CCND3: variants seen among roughly 807,000 people sequenced by gnomAD.
CCND3 encodes the protein G1/S-specific cyclin-D3.
CCND3 carries 9 observed loss-of-function variants against 28.7 expected under a neutral mutation model. The observed-to-expected ratio is 0.31, with a 90% CI of 0.19 to 0.55. The LOEUF is 0.55. CCND3 is among the 20% of genes least tolerant of loss of function. The pLI is 0.93. For missense variants in CCND3, 315 were observed against 385.8 expected (o/e 0.82, Z 1.54); for synonymous variants, 164 against 163.9 (o/e 1.00, Z 0.00).
At chr6:42,027,418 T>C (rs1356204225) in intron 1 of CCND3, among the ~76,000 whole-genome samples, 30 of 142,590 alleles carry the variant, frequency 2.1e-4, no homozygotes, top group Middle Eastern at 3.6e-3. Context: ...CCAGCCTGAG[T>C]GAGAGAGCGA....
intron 1 of CCND3, among the ~76,000 whole-genome samples, chr6:41,996,670 C>CCTT (rs1554164547): frequency 6.4e-5 from 9 of 141,434 alleles, no homozygotes; most frequent in African/African-American, 2.4e-4. Flanking sequence ...AAAATCTTAC[C>CCTT]TTTTTTTTTT....
At chr6:42,039,781 G>C (rs1764317412) in intron 1 of CCND3, among the ~76,000 whole-genome samples, 1 of 152,232 alleles carries the variant, frequency 6.6e-6, no homozygotes, top group Admixed American at 6.5e-5. Context: ...TTCCGGGGCT[G>C]TGTGTGACAC....
rs1479862925 is a variant in CCND3, at chr6:41,935,585, T to C, written c.*355A>G. On this transcript the variant is annotated 3_prime_UTR_variant, in exon 5 of 5. Transcript: ENST00000372991. ...CACCTTTAGAAGGCACTAGAGCATT[T>C]TGGCAGTTGAAAACATGAGAGCCCC... 6.4e-6 allele frequency: 3 copies of C among 466,368 alleles called. No individual in the cohort carries two copies. The highest frequency in any genetic ancestry group is 1.2e-5 in the Non-Finnish European group (3 of 260,474). 28.9% of individuals were successfully genotyped at this position (466,368 alleles called of 1,614,324 possible).
chr6:41,950,736 T>C (rs1449422767), intron 1 of CCND3, among the ~76,000 whole-genome samples: 3 of 139,470 alleles, frequency 2.2e-5, no homozygotes, highest in Admixed American at 7.7e-5. Context: ...TGAGATGGAG[T>C]CTCTCTCTGT....
intron 1 of CCND3, among the ~76,000 whole-genome samples, chr6:42,040,111 G>A (rs965722123): frequency 3.9e-5 from 6 of 152,224 alleles, no homozygotes; most frequent in African/African-American, 9.6e-5. Context: ...CGTGTGTGGT[G>A]CACACAGTGT....
intron 1 of CCND3, among the ~76,000 whole-genome samples, chr6:42,016,978 C>T (rs1763537778): frequency 6.6e-6 from 1 of 152,158 alleles, no homozygotes; most frequent in African/African-American, 2.4e-5. Flanking sequence ...TGAATGATGC[C>T]ATGGGGAAAC....
At chr6:42,023,386 T>C (rs963830591) in intron 1 of CCND3, among the ~76,000 whole-genome samples, 1 of 152,230 alleles carries the variant, frequency 6.6e-6, no homozygotes, top group African/African-American at 2.4e-5. Context: ...AGTATCGTGC[T>C]GTGGGGCATG....
At chr6:42,018,622 T>C (rs1763601295) in intron 1 of CCND3, 1 of 152,166 alleles carries the variant, frequency 6.6e-6, no homozygotes, top group Non-Finnish European at 1.5e-5. Flanking sequence ...TCGGGCCTGG[T>C]GGCTCACTCC....
chr6:41,947,012 G>A (rs895709228), intron 1 of CCND3, among the ~76,000 whole-genome samples: 3 of 152,120 alleles, frequency 2.0e-5, no homozygotes, highest in Admixed American at 6.6e-5. Flanking sequence ...GAGGTCAGGA[G>A]ATCGAGACCA....
intron 1 of CCND3, among the ~76,000 whole-genome samples, chr6:41,956,706 C>G (rs1462275030): frequency 6.6e-6 from 1 of 152,044 alleles, no homozygotes; most frequent in Non-Finnish European, 1.5e-5. Context: ...TGGATTCTGG[C>G]CCTTAAGATA....
chr6:42,025,149 A>G (rs973261041), intron 1 of CCND3, among the ~76,000 whole-genome samples: 2 of 152,224 alleles, frequency 1.3e-5, no homozygotes, highest in South Asian at 4.1e-4. Flanking sequence ...ATAAAGTGAG[A>G]GTGACCCATG....
intron 1 of CCND3, among the ~76,000 whole-genome samples, chr6:42,046,793 C>G (rs776982421): frequency 2.6e-5 from 4 of 152,210 alleles, no homozygotes; most frequent in Non-Finnish European, 5.9e-5. Flanking sequence ...ATCCAAGATA[C>G]AGGACCACAG....
chr6:42,049,430 A>T (rs916077954), upstream of CCND3, among the ~76,000 whole-genome samples: 7 of 152,230 alleles, frequency 4.6e-5, no homozygotes, highest in African/African-American at 1.7e-4. Context: ...GAGGAAACTG[A>T]GACACACTGA....
At chr6:42,046,927 C>T (rs937605176) in intron 1 of CCND3, among the ~76,000 whole-genome samples, 1 of 152,218 alleles carries the variant, frequency 6.6e-6, no homozygotes, top group African/African-American at 2.4e-5. Context: ...AGGTTTAAAT[C>T]CCAGCTCTGC....
chr6:41,988,813 C>G (rs1451741228), intron 1 of CCND3, among the ~76,000 whole-genome samples: 4 of 149,540 alleles, frequency 2.7e-5, no homozygotes, highest in Non-Finnish European at 4.4e-5. Flanking sequence ...ATTCTCCTGC[C>G]TGAGGCTCCC....
At chr6:41,987,408 C>A (rs1384026531) in intron 1 of CCND3, among the ~76,000 whole-genome samples, 2 of 151,430 alleles carry the variant, frequency 1.3e-5, no homozygotes, top group Non-Finnish European at 2.9e-5. Flanking sequence ...AGTACTTCTG[C>A]TTAACTTTAG....
rs373567197 is a variant in CCND3, at chr6:41,959,403, A to T, written c.-45-18818T>A. On this transcript the variant is annotated intron_variant, in intron 1 of 4. Transcript: ENST00000372988. ...GCCAAAAATGGAAATAACCCAGGCC[A>T]GGCGCAGTGGCTCACGCCTGTGAGC... 7.2e-4 allele frequency among the ~76,000 whole-genome samples: 110 copies of T among 152,124 alleles called. 1 individual carries two copies. The South Asian group carries it at 0.022, about 30-fold the overall frequency.
At chr6:42,048,973 G>A (rs1032350722), upstream of CCND3, 3 of 198,044 alleles carry the variant, frequency 1.5e-5, no homozygotes, top group African/African-American at 7.2e-5. The surrounding 1 kb of genome is among the most constrained non-coding windows in gnomAD (Gnocchi z 4.7). Context: ...GCTGCCTCCC[G>A]GCGTTGGCAA....
Position 41,980,092 on chromosome 6 carries a change from T to G in CCND3, c.-45-39507A>C, listed in dbSNP as rs371619047. ...TCTATCTATCTTAAAAGACAAATCT[T>G]AAAAACAGGAAGTATCAGGCTCAGA... is the stretch of plus-strand genomic sequence containing the variant. On this transcript the variant is annotated intron_variant, in intron 1 of 4. Transcript: ENST00000372988. Among the ~76,000 whole-genome samples, 31 of 147,692 alleles carry G rather than the reference T, an allele frequency of 2.1e-4. 1 individual carries two copies. Among genetic ancestry groups the G allele is most frequent in the Admixed American group, 1.2e-3 (17 of 14,532 alleles).
Sources: gnomAD v4.1 joint callset for allele counts (sites outside exome capture counted in the v4.1 genomes callset) on GRCh38, gnomAD v4.1.1 for gene constraint, Gnocchi (gnomAD v3.1) non-coding constraint, MANE v1.5 for transcripts, NCBI Gene and HGNC (gene_info 2026-07-23, HGNC 2026-07-21) for gene names.